PDZRN4: variants seen among roughly 807,000 people sequenced by gnomAD.
The protein encoded by PDZRN4 is PDZ domain containing ring finger 4.
A neutral mutation model predicts 99.0 loss-of-function variants in PDZRN4; 70 were observed. That is an observed-to-expected ratio of 0.71 (90% CI 0.58 to 0.86). The LOEUF is 0.86. PDZRN4 is among the 40% of genes least tolerant of loss of function. The pLI, the probability that PDZRN4 is intolerant of heterozygous loss-of-function variation, is 0.00. For missense variants in PDZRN4, 1,474 were observed against 1,331.2 expected, an observed-to-expected ratio of 1.11 and a Z score of -1.67; for synonymous variants, 551 against 501.6, an observed-to-expected ratio of 1.10 and a Z score of -1.32.
chr12:41,551,730 T>G (rs1407012653), intron 5 of PDZRN4, among the ~76,000 whole-genome samples: 1 of 152,210 alleles, frequency 6.6e-6, no homozygotes, highest in Non-Finnish European at 1.5e-5. Context: ...TCCAATTATT[T>G]ACTAATGGGT....
At chr12:41,300,663 G>A (rs1395857390) in intron 3 of PDZRN4, among the ~76,000 whole-genome samples, 1 of 151,870 alleles carries the variant, frequency 6.6e-6, no homozygotes, top group African/African-American at 2.4e-5. Context: ...AACCTCAAGT[G>A]TTCTCCCTAT....
chr12:41,526,620 T>A lies in PDZRN4; in HGVS notation c.1203+16707T>A, dbSNP rs377269239. ...AAATTTTTGCAAAATATTTATAAAA[T>A]ACTTGTTTTTCACTGCTTTTTAAGT... On this transcript the variant is annotated intron_variant, in intron 5 of 9. Transcript: ENST00000402685. 3.3e-5 allele frequency among the ~76,000 whole-genome samples: 5 copies of A among 152,288 alleles called. No homozygotes were observed. The South Asian group carries it at 1.0e-3, about 32-fold the overall frequency.
At chr12:41,204,530 G>A (rs117890045) in intron 3 of PDZRN4, among the ~76,000 whole-genome samples, 3,614 of 152,064 alleles carry the variant, frequency 0.024, 68 homozygotes, top group Middle Eastern at 0.086. Context: ...GAGGTCTCAG[G>A]AAACTTACAA....
At chr12:41,296,582 CA>C (rs1377627009) in intron 3 of PDZRN4, among the ~76,000 whole-genome samples, 1 of 152,076 alleles carries the variant, frequency 6.6e-6, no homozygotes, top group African/African-American at 2.4e-5. Context: ...GGCAATTTTT[CA>C]AGAGTTTTGA....
At chr12:41,509,754 T>A in intron 4 of PDZRN4, 57 bp from the exon 5 acceptor site, 1 of 807,690 alleles carries the variant, frequency 1.2e-6, no homozygotes, top group Non-Finnish European at 2.1e-6. Context: ...AAATCAGTTT[T>A]AATCTGGAAA....
At chr12:41,227,366 T>G (rs1229277389) in intron 3 of PDZRN4, among the ~76,000 whole-genome samples, 2 of 152,104 alleles carry the variant, frequency 1.3e-5, no homozygotes, top group Non-Finnish European at 2.9e-5. Context: ...CCTAACCAGT[T>G]GCAAACTGAG....
chr12:41,418,300 C>A (rs544376919), intron 3 of PDZRN4, among the ~76,000 whole-genome samples: 1 of 152,198 alleles, frequency 6.6e-6, no homozygotes, highest in African/African-American at 2.4e-5. Flanking sequence ...AGAGTGTCAT[C>A]CTAAATGAAT....
intron 3 of PDZRN4, among the ~76,000 whole-genome samples, chr12:41,446,467 T>C (rs1952729688): frequency 6.6e-6 from 1 of 151,994 alleles, no homozygotes. Context: ...GAAAGACCAC[T>C]ATTGTAATCA....
intron 3 of PDZRN4, among the ~76,000 whole-genome samples, chr12:41,463,860 GTAGTTAAAGGTC>G (rs1409635823): frequency 6.6e-5 from 10 of 152,150 alleles, no homozygotes; most frequent in African/African-American, 2.4e-4. Context: ...ATTCCCTTCA[GTAGTTAAAGGTC>G]TAGTCTCAAT....
chr12:41,456,651 C>A (rs1565587662), intron 3 of PDZRN4, among the ~76,000 whole-genome samples: 1 of 152,154 alleles, frequency 6.6e-6, no homozygotes, highest in Non-Finnish European at 1.5e-5. Flanking sequence ...AGACATACTG[C>A]AGAGGGCCTT....
chr12:41,387,915 C>A (rs953093467), intron 3 of PDZRN4, among the ~76,000 whole-genome samples: 1 of 152,194 alleles, frequency 6.6e-6, no homozygotes, highest in Non-Finnish European at 1.5e-5. Flanking sequence ...ACCCAGCAAT[C>A]CCATTACTGG....
At chr12:41,471,653 T>A (rs1011599441) in intron 3 of PDZRN4, among the ~76,000 whole-genome samples, 1 of 150,966 alleles carries the variant, frequency 6.6e-6, no homozygotes, top group African/African-American at 2.4e-5. Context: ...CAGAGATAGT[T>A]GTATGAATAA....
At chr12:41,370,976 T>C (rs1161643540) in intron 3 of PDZRN4, among the ~76,000 whole-genome samples, 2 of 151,582 alleles carry the variant, frequency 1.3e-5, no homozygotes, top group African/African-American at 4.8e-5. Context: ...TAGATTCCTC[T>C]ATTATATGCA....
intron 3 of PDZRN4, among the ~76,000 whole-genome samples, chr12:41,273,956 G>T (rs1318037564): frequency 6.6e-6 from 1 of 151,926 alleles, no homozygotes; most frequent in Non-Finnish European, 1.5e-5. Flanking sequence ...ATGCAAGCTT[G>T]GTCAGCAACC....
intron 3 of PDZRN4, among the ~76,000 whole-genome samples, chr12:41,452,449 A>AAAAAAG (rs71081741): frequency 8.6e-4 from 122 of 141,808 alleles, no homozygotes; most frequent in African/African-American, 2.0e-3. Flanking sequence ...AAAAAAAAAA[A>AAAAAAG]AAAGAAAGAA....
At chr12:41,468,416 C>T (rs913930259) in intron 3 of PDZRN4, among the ~76,000 whole-genome samples, 1 of 152,166 alleles carries the variant, frequency 6.6e-6, no homozygotes, top group African/African-American at 2.4e-5. Context: ...CCTCTGTATA[C>T]CAAAGCCCAA....
At chr12:41,285,866 G>C (rs150337429) in intron 3 of PDZRN4, among the ~76,000 whole-genome samples, 1 of 152,098 alleles carries the variant, frequency 6.6e-6, no homozygotes, top group Non-Finnish European at 1.5e-5. Flanking sequence ...TGGTGGGCAA[G>C]GGGAGGGAGA....
intron 3 of PDZRN4, among the ~76,000 whole-genome samples, chr12:41,284,166 G>A (rs994537938): frequency 1.3e-5 from 2 of 152,126 alleles, no homozygotes; most frequent in African/African-American, 4.8e-5. Context: ...CAATGTCTCA[G>A]CATACAAAAT....
chr12:41,418,733 T>C (rs1049593959), intron 3 of PDZRN4, among the ~76,000 whole-genome samples: 3 of 152,148 alleles, frequency 2.0e-5, no homozygotes, highest in African/African-American at 7.2e-5. Flanking sequence ...CTCTGATGTA[T>C]GAAGGAAGTG....
Sources: gnomAD v4.1 joint callset for allele counts (sites outside exome capture counted in the v4.1 genomes callset) on GRCh38, gnomAD v4.1.1 for gene constraint, MANE v1.5 for transcripts, NCBI Gene and HGNC (gene_info 2026-07-23, HGNC 2026-07-21) for gene names.